The following CSNK2A2IP variants were observed in gnomAD, a reference collection of about 807,000 sequenced individuals.
CSNK2A2IP encodes casein kinase II subunit alpha'-interacting protein.
chr3:88,383,830 A>AT, the CSNK2A2IP span, among the ~76,000 whole-genome samples: 4 of 151,380 alleles, frequency 2.6e-5, no homozygotes, highest in Admixed American at 6.6e-5. Flanking sequence ...CGCCCCGCTA[A>AT]TTTTTTTGTA....
At chr3:88,436,676 C>T in the CSNK2A2IP span, among the ~76,000 whole-genome samples, 1 of 152,092 alleles carries the variant, frequency 6.6e-6, no homozygotes, top group Admixed American at 6.6e-5. Context: ...AGCTATAGCT[C>T]TAGCAAATGC....
chr3:88,409,977 C>G, the CSNK2A2IP span, among the ~76,000 whole-genome samples: 1 of 152,108 alleles, frequency 6.6e-6, no homozygotes, highest in East Asian at 1.9e-4. Flanking sequence ...ATTGTCTGTG[C>G]CTGAATTAGG....
the CSNK2A2IP span, among the ~76,000 whole-genome samples, chr3:88,384,738 C>A: frequency 6.6e-6 from 1 of 152,060 alleles, no homozygotes; most frequent in Admixed American, 6.6e-5. Context: ...TAGAGACATG[C>A]TATTTTTCAG....
the CSNK2A2IP span, among the ~76,000 whole-genome samples, chr3:88,394,466 G>A: frequency 1.3e-5 from 2 of 152,156 alleles, no homozygotes; most frequent in African/African-American, 4.8e-5. Context: ...TCTGCCTCCT[G>A]GGTTCAAGTG....
chr3:88,411,379 G>GTCTATCTATCTA, the CSNK2A2IP span, among the ~76,000 whole-genome samples: 28 of 143,610 alleles, frequency 1.9e-4, no homozygotes, highest in African/African-American at 7.7e-4. Flanking sequence ...CTATCTATCT[G>GTCTATCTATCTA]TCTATCTATC....
chr3:88,366,403 A>C, the CSNK2A2IP span, among the ~76,000 whole-genome samples: 10 of 152,166 alleles, frequency 6.6e-5, no homozygotes, highest in Non-Finnish European at 1.2e-4. Context: ...ACTTAAAATC[A>C]ACCTATAAAG....
At chr3:88,409,295 C>T in the CSNK2A2IP span, among the ~76,000 whole-genome samples, 22 of 152,016 alleles carry the variant, frequency 1.4e-4, no homozygotes, top group African/African-American at 5.3e-4. Context: ...GTTCTGTCCT[C>T]TGTTCTGTCT....
At chr3:88,365,419 T>C in the CSNK2A2IP span, among the ~76,000 whole-genome samples, 1 of 152,136 alleles carries the variant, frequency 6.6e-6, no homozygotes, top group Non-Finnish European at 1.5e-5. Context: ...TTTTTGTACT[T>C]TGTCATATTG....
chr3:88,433,334 A>C, the CSNK2A2IP span, among the ~76,000 whole-genome samples: 6 of 151,996 alleles, frequency 3.9e-5, no homozygotes, highest in African/African-American at 1.2e-4. Flanking sequence ...TAGCAAAGAT[A>C]ATTTTTTGGT....
At chr3:88,387,336 A>ATT in the CSNK2A2IP span, among the ~76,000 whole-genome samples, 1 of 151,868 alleles carries the variant, frequency 6.6e-6, no homozygotes, top group African/African-American at 2.4e-5. Context: ...ACACCCAGCT[A>ATT]ATTTTTGTAT....
chr3:88,442,485 ATAAC>A, the CSNK2A2IP span, among the ~76,000 whole-genome samples: 1 of 152,214 alleles, frequency 6.6e-6, no homozygotes, highest in Non-Finnish European at 1.5e-5. Flanking sequence ...AGGAATCCAC[ATAAC>A]TAGAGTTGGT....
At chr3:88,446,090 CTTTCTTTCTTTTTTTCTTTCTTTCT>C in the CSNK2A2IP span, among the ~76,000 whole-genome samples, 1 of 83,876 alleles carries the variant, frequency 1.2e-5, no homozygotes, top group Non-Finnish European at 2.5e-5. Flanking sequence ...TTCTTTCTTT[CTTTCTTTCTTTTTTTCTTTCTTTCT>C]TTTTTTTCTT....
chr3:88,346,902 G>A, the CSNK2A2IP span, among the ~76,000 whole-genome samples: 1 of 151,916 alleles, frequency 6.6e-6, no homozygotes, highest in African/African-American at 2.4e-5. Context: ...GTCTAGGAAA[G>A]TTAAATTAAA....
chr3:88,428,387 G>A, the CSNK2A2IP span, among the ~76,000 whole-genome samples: 16 of 152,098 alleles, frequency 1.1e-4, no homozygotes, highest in Admixed American at 9.2e-4. Context: ...TAGGACTTTG[G>A]GGAACTGTTA....
At chr3:88,385,507 T>A in the CSNK2A2IP span, among the ~76,000 whole-genome samples, 1 of 119,258 alleles carries the variant, frequency 8.4e-6, no homozygotes, top group South Asian at 3.7e-4. Flanking sequence ...AACTATGAAA[T>A]AACTTTTTTT....
chr3:88,433,290 T>C, the CSNK2A2IP span, among the ~76,000 whole-genome samples: 1 of 152,118 alleles, frequency 6.6e-6, no homozygotes, highest in Admixed American at 6.5e-5. Context: ...TATTTAGTTG[T>C]ATGGTTTTCT....
the CSNK2A2IP span, among the ~76,000 whole-genome samples, chr3:88,432,987 A>G: frequency 1.3e-5 from 2 of 151,976 alleles, no homozygotes; most frequent in East Asian, 3.9e-4. Context: ...GAGTCTGAGT[A>G]CAAACAAATA....
chr3:88,442,957 C>T, the CSNK2A2IP span, among the ~76,000 whole-genome samples: 2,705 of 151,948 alleles, frequency 0.018, 77 homozygotes, highest in African/African-American at 0.061. Flanking sequence ...ATAAACTTTA[C>T]ATTTAAGTCT....
the CSNK2A2IP span, among the ~76,000 whole-genome samples, chr3:88,348,556 C>A: frequency 6.6e-6 from 1 of 151,964 alleles, no homozygotes; most frequent in Admixed American, 6.6e-5. Flanking sequence ...CTAAGTAAGA[C>A]AGAAAAGCTA....
Sources: allele counts gnomAD v4.1 joint callset (sites outside exome capture counted in the v4.1 genomes callset), GRCh38; gene constraint gnomAD v4.1.1; transcripts MANE v1.5; gene names NCBI Gene and HGNC (gene_info 2026-07-23, HGNC 2026-07-21).